ZBTB20: variants seen among roughly 807,000 people sequenced by gnomAD.
ZBTB20 encodes zinc finger and BTB domain-containing protein 20.
Under a neutral mutation model 56.9 loss-of-function variants are expected in ZBTB20, and 9 were observed. The ratio of observed to expected loss-of-function variants is 0.16; its 90% CI spans 0.10 to 0.28. ZBTB20 has a LOEUF of 0.28. Ranked by LOEUF, ZBTB20 falls within the 10% of genes least tolerant of loss-of-function variation. The pLI, the probability that ZBTB20 is intolerant of heterozygous loss-of-function variation, is 1.00. For synonymous variants in ZBTB20, 417 were observed against 420.7 expected, an observed-to-expected ratio of 0.99 and a Z score of 0.11; for missense variants, 655 against 1,003.0, an observed-to-expected ratio of 0.65 and a Z score of 4.69.
intron 4 of ZBTB20, among the ~76,000 whole-genome samples, chr3:114,834,693 G>T (rs1282417984): frequency 6.6e-6 from 1 of 151,852 alleles, no homozygotes. Context: ...CAGGGAAGAG[G>T]GCTGCAAACT....
chr3:114,734,698 A>T (rs1193594372), intron 5 of ZBTB20, among the ~76,000 whole-genome samples: 2 of 152,206 alleles, frequency 1.3e-5, no homozygotes, highest in Admixed American at 1.3e-4. Context: ...TAATAAAAGC[A>T]AGAAATAAAT....
At chr3:114,631,908 A>G (rs1005769991) in intron 6 of ZBTB20, among the ~76,000 whole-genome samples, 7 of 152,192 alleles carry the variant, frequency 4.6e-5, no homozygotes, top group Non-Finnish European at 1.0e-4. Context: ...TTCCCTTAAG[A>G]AGGGAACAGG....
intron 6 of ZBTB20, among the ~76,000 whole-genome samples, chr3:114,597,018 AC>A (rs1326964749): frequency 1.3e-5 from 2 of 152,034 alleles, no homozygotes; most frequent in African/African-American, 2.4e-5. Flanking sequence ...ATACTTCCCG[AC>A]TCAATCCTAA....
At chr3:114,692,644 A>C (rs912933887) in intron 6 of ZBTB20, among the ~76,000 whole-genome samples, 2 of 152,128 alleles carry the variant, frequency 1.3e-5, no homozygotes, top group African/African-American at 2.4e-5. Flanking sequence ...TACAGTTGCC[A>C]GTGCATTTCA....
At chr3:114,725,395 C>T (rs2065199878) in intron 5 of ZBTB20, among the ~76,000 whole-genome samples, 1 of 146,638 alleles carries the variant, frequency 6.8e-6, no homozygotes, top group South Asian at 2.2e-4. Context: ...TTTCTTCTTA[C>T]AAAATAATAA....
chr3:114,799,147 T>C (rs1216513448), intron 5 of ZBTB20, among the ~76,000 whole-genome samples: 5 of 152,026 alleles, frequency 3.3e-5, no homozygotes, highest in African/African-American at 9.6e-5. Context: ...CCAATACTTA[T>C]TGTACCACTT....
chr3:114,610,606 T>C (rs2057475449), intron 6 of ZBTB20, among the ~76,000 whole-genome samples: 1 of 152,138 alleles, frequency 6.6e-6, no homozygotes, highest in Admixed American at 6.5e-5. Flanking sequence ...AGGTTGGCAT[T>C]TAAGAGGTAT....
chr3:114,953,231 A>G (rs1422406130), intron 3 of ZBTB20, among the ~76,000 whole-genome samples: 1 of 147,770 alleles, frequency 6.8e-6, no homozygotes, highest in African/African-American at 2.4e-5. Flanking sequence ...AAATATCGTC[A>G]GAAGAACAAT....
intron 1 of ZBTB20, among the ~76,000 whole-genome samples, chr3:115,084,955 C>T (rs528859298): frequency 6.6e-6 from 1 of 152,048 alleles, no homozygotes; most frequent in South Asian, 2.1e-4. Flanking sequence ...ACTTACTTAA[C>T]GCTTTCCTGT....
chr3:114,819,073 T>G (rs1560285900), intron 4 of ZBTB20, among the ~76,000 whole-genome samples: 1 of 151,932 alleles, frequency 6.6e-6, no homozygotes, highest in Non-Finnish European at 1.5e-5. Context: ...GAGGATCATG[T>G]GGATTATAAA....
chr3:114,887,866 C>A (rs960525973), intron 4 of ZBTB20, among the ~76,000 whole-genome samples: 1 of 151,908 alleles, frequency 6.6e-6, no homozygotes, highest in Non-Finnish European at 1.5e-5. Context: ...GATCTCAAAG[C>A]CCCCAATTGA....
At chr3:114,644,686 G>A (rs184467474) in intron 6 of ZBTB20, among the ~76,000 whole-genome samples, 1 of 152,204 alleles carries the variant, frequency 6.6e-6, no homozygotes, top group East Asian at 1.9e-4. Flanking sequence ...TAGGTACTGT[G>A]CTCATTACCA....
chr3:114,785,245 G>C (rs1464782723), intron 5 of ZBTB20, among the ~76,000 whole-genome samples: 1 of 152,186 alleles, frequency 6.6e-6, no homozygotes, highest in Admixed American at 6.5e-5. Context: ...TGTGGGTCAA[G>C]AGGCAAAATC....
At chr3:114,967,363 T>G (rs1358369378) in intron 3 of ZBTB20, among the ~76,000 whole-genome samples, 1 of 152,228 alleles carries the variant, frequency 6.6e-6, no homozygotes, top group Admixed American at 6.5e-5. Context: ...ATACTGATGA[T>G]ATCAGCAAAG....
intron 6 of ZBTB20, among the ~76,000 whole-genome samples, chr3:114,662,756 GT>G (rs1361319301): frequency 6.6e-6 from 1 of 151,056 alleles, no homozygotes; most frequent in Admixed American, 6.6e-5. Context: ...GGGGTTGTTT[GT>G]TTTTTTCTTG....
At chr3:114,565,519 C>T (rs1342387984) in intron 6 of ZBTB20, among the ~76,000 whole-genome samples, 1 of 152,114 alleles carries the variant, frequency 6.6e-6, no homozygotes, top group Non-Finnish European at 1.5e-5. Context: ...TTTTTCTCCC[C>T]CCTTGCAAAA....
At chr3:114,988,055 TG>T (rs1480024698) in intron 2 of ZBTB20, among the ~76,000 whole-genome samples, 2 of 151,738 alleles carry the variant, frequency 1.3e-5, no homozygotes, top group African/African-American at 2.4e-5. Flanking sequence ...TTTTATTTAT[TG>T]TTTTTTTCAC....
At chr3:114,584,934 A>G (rs899869337) in intron 6 of ZBTB20, among the ~76,000 whole-genome samples, 1 of 152,204 alleles carries the variant, frequency 6.6e-6, no homozygotes, top group African/African-American at 2.4e-5. Context: ...AGAGCAGCTC[A>G]GTTTTATGAA....
intron 6 of ZBTB20, among the ~76,000 whole-genome samples, chr3:114,638,454 T>G (rs2059392068): frequency 6.6e-6 from 1 of 152,128 alleles, no homozygotes. Context: ...TTTAAGCCAC[T>G]TAAGTCAGGA....
Sources: allele counts gnomAD v4.1 joint callset (sites outside exome capture counted in the v4.1 genomes callset), GRCh38; gene constraint gnomAD v4.1.1; transcripts MANE v1.5; gene names NCBI Gene and HGNC (gene_info 2026-07-23, HGNC 2026-07-21).